SHCBP1L: variants seen among roughly 807,000 people sequenced by gnomAD.
The protein encoded by SHCBP1L is SHC binding and spindle associated 1 like, also known as testicular spindle-associated protein SHCBP1L.
In SHCBP1L, 67 loss-of-function variants were observed where a neutral mutation model predicts 62.5. That is an observed-to-expected ratio of 1.07 (90% CI 0.88 to 1.31). The LOEUF (loss-of-function observed/expected upper bound fraction) is 1.31, where lower values mean the gene tolerates loss of function less well. SHCBP1L is among the 40% of genes most tolerant of loss of function. SHCBP1L has a pLI of 0.00. For synonymous variants in SHCBP1L, 284 were observed against 289.4 expected (o/e 0.98, Z 0.19); for missense variants, 823 against 809.8 (o/e 1.02, Z -0.20).
chr1:182,910,110 G>A (rs1032500457), intron 6 of SHCBP1L, among the ~76,000 whole-genome samples: 2 of 152,202 alleles, frequency 1.3e-5, no homozygotes, highest in African/African-American at 4.8e-5. Context: ...ACAAGGAAGA[G>A]ATGACAGCAC....
intron 6 of SHCBP1L, among the ~76,000 whole-genome samples, chr1:182,923,090 C>T (rs1650573505): frequency 6.6e-6 from 1 of 152,112 alleles, no homozygotes; most frequent in Non-Finnish European, 1.5e-5. Context: ...CCCTCAGAGG[C>T]TATTACAAAC....
At position 182,899,941 on chromosome 1, in the gene SHCBP1L, C is replaced by A; in HGVS notation, c.*42G>T. 1.3e-6 allele frequency: 2 copies of A among 1,515,140 alleles called. No homozygotes were observed. The highest frequency in any genetic ancestry group is 8.8e-7 in the Non-Finnish European group (1 of 1,131,692). The allele number at this position is 1,515,140 out of a possible 1,614,324, so 93.9% of individuals were successfully genotyped here. On this transcript the variant is annotated 3_prime_UTR_variant, in exon 10 of 10. Coordinates refer to ENST00000367547, the MANE Select transcript of SHCBP1L (RefSeq NM_030933.4). Reference sequence around the variant, plus strand: ...TGGGGTATGAGAATCATGTATTAAACAAATTTGTGAAATATAAAACTTTAA... The same window carrying A: ...TGGGGTATGAGAATCATGTATTAAAAAAATTTGTGAAATATAAAACTTTAA...
Position 182,904,441 on chromosome 1 carries a change from G to A in SHCBP1L, c.1337-11C>T. On this transcript the variant is annotated splice_polypyrimidine_tract_variant and intron_variant, in intron 7 of 9. Transcript: ENST00000367547. ...CTCTCTTTCCAACTCCTGATTCATA[G>A]GGATAAAAATACATTAAATCAGTAA... The A allele has an allele frequency of 6.2e-7, 1 of 1,613,094 alleles. No individual in the cohort carries two copies. Among genetic ancestry groups the A allele is most frequent in the African/African-American group, 1.3e-5 (1 of 74,958 alleles).
At chr1:182,903,754 A>G (rs1266995268) in intron 8 of SHCBP1L, among the ~76,000 whole-genome samples, 9 of 152,082 alleles carry the variant, frequency 5.9e-5, no homozygotes, top group Non-Finnish European at 1.0e-4. Context: ...CTCAGCTCCT[A>G]AAGTGCTGGG....
At chr1:182,934,658 T>C (rs1408594405) in intron 5 of SHCBP1L, among the ~76,000 whole-genome samples, 2 of 152,172 alleles carry the variant, frequency 1.3e-5, no homozygotes, top group Non-Finnish European at 2.9e-5. Context: ...ATAGTGTATT[T>C]TTCAGAGCAG....
intron 2 of SHCBP1L, among the ~76,000 whole-genome samples, chr1:182,941,041 A>G (rs1651346171): frequency 6.6e-6 from 1 of 152,136 alleles, no homozygotes; most frequent in African/African-American, 2.4e-5. Flanking sequence ...ATTTTTCAAC[A>G]AATTTTGCCA....
Position 182,924,736 on chromosome 1 carries a change from G to T in SHCBP1L, c.1182+4911C>A, listed in dbSNP as rs536294272. 2.5e-4 allele frequency among the ~76,000 whole-genome samples: 18 copies of T among 72,986 alleles called. No homozygotes were observed. In the East Asian group the frequency reaches 4.4e-3, roughly 18 times the overall value. 47.9% of individuals were successfully genotyped at this position (72,986 alleles called of 152,430 possible). A position where few individuals can be genotyped will look rare whatever the true frequency, so the allele number is the denominator to read the frequency against. Reference sequence around the variant, plus strand: ...AGAAAGAAAGAAAGAAAGAAAGAAAGAAAGAAAGAAAGAAAGAAAGAAAGA... The same window carrying T: ...AGAAAGAAAGAAAGAAAGAAAGAAATAAAGAAAGAAAGAAAGAAAGAAAGA... On this transcript the variant is annotated intron_variant, in intron 6 of 9. Transcript: ENST00000367547.
chr1:182,940,317 A>G lies in SHCBP1L; in HGVS notation c.770+12T>C, dbSNP rs111917521. On this transcript the variant is annotated intron_variant, in intron 3 of 9. Transcript: ENST00000367547. ...TAATAAATTTAATTTTCAAAAGTAA[A>G]GGCCCTAATACCTGACAACTTCCAA... 277 of 1,594,110 alleles carry G rather than the reference A, an allele frequency of 1.7e-4. 2 individuals are homozygous for G. The African/African-American group carries it at 3.1e-3, about 18-fold the overall frequency.
At chr1:182,915,240 A>G (rs1251391040) in intron 6 of SHCBP1L, among the ~76,000 whole-genome samples, 2 of 151,498 alleles carry the variant, frequency 1.3e-5, no homozygotes, top group Non-Finnish European at 2.9e-5. Flanking sequence ...TAACAGTGAA[A>G]GAATAAAAAG....
Position 182,952,716 on chromosome 1 carries a change from C to T in SHCBP1L, c.405+13G>A, listed in dbSNP as rs766549799. Reference sequence around the variant, plus strand: ...GCTTCCGACCGTAGTCTTCCTGTCCCGGATCCGCTCACCTTACAGTCCTGC... The same window carrying T: ...GCTTCCGACCGTAGTCTTCCTGTCCTGGATCCGCTCACCTTACAGTCCTGC... On this transcript the variant is annotated intron_variant, in intron 1 of 9. Transcript: ENST00000367547. The T allele has an allele frequency of 4.4e-6, 7 of 1,591,700 alleles. No individual in the cohort carries two copies. The highest frequency in any genetic ancestry group is 6.0e-6 in the Non-Finnish European group (7 of 1,168,762).
chr1:182,948,313 A>G (rs78092138), intron 2 of SHCBP1L, among the ~76,000 whole-genome samples: 15 of 152,252 alleles, frequency 9.9e-5, no homozygotes, highest in Admixed American at 9.8e-4. Context: ...GTTACCTTAC[A>G]TGGCAAAATG....
chr1:182,930,506 T>C (rs1650933303), intron 5 of SHCBP1L, among the ~76,000 whole-genome samples: 1 of 144,080 alleles, frequency 6.9e-6, no homozygotes, highest in African/African-American at 2.5e-5. Flanking sequence ...TCTGCTGCAC[T>C]TTGATTAGTG....
At chr1:182,909,274 G>A (rs955641378) in intron 6 of SHCBP1L, among the ~76,000 whole-genome samples, 1 of 152,180 alleles carries the variant, frequency 6.6e-6, no homozygotes, top group East Asian at 1.9e-4. Context: ...ATGGATATAA[G>A]GGTCTAGAAT....
chr1:182,937,441 A>AT (rs1651215821), intron 5 of SHCBP1L, among the ~76,000 whole-genome samples: 1 of 151,840 alleles, frequency 6.6e-6, no homozygotes, highest in African/African-American at 2.4e-5. Flanking sequence ...CCTTCAGGAT[A>AT]TTTTTTCTTT....
chr1:182,943,124 C>CT (rs918413911), intron 2 of SHCBP1L, among the ~76,000 whole-genome samples: 8 of 151,806 alleles, frequency 5.3e-5, no homozygotes, highest in East Asian at 3.9e-4. Context: ...AGTTCTCTCT[C>CT]TTTTTTTTAA....
chr1:182,907,262 G>A (rs1217049347), intron 6 of SHCBP1L, among the ~76,000 whole-genome samples: 3 of 151,030 alleles, frequency 2.0e-5, no homozygotes, highest in Non-Finnish European at 3.0e-5. Flanking sequence ...GTGAAACCCC[G>A]TCTCTACTAA....
chr1:182,953,068 T>C lies in SHCBP1L; in HGVS notation c.66A>G (p.Arg22=). ...DSFRTISPDR[R]GEKSASAVSG... ...AGACAGCGGAGGCGGACTTCTCGCC[T>C]CGCCTGTCCGGGCTGATGGTGCGGA... The change falls in exon 1 of 10, where the codon CGA becomes CGG. Residue 22 remains arginine, a synonymous_variant. Transcript: ENST00000367547. 6.5e-7 allele frequency: 1 copy of C among 1,549,802 alleles called. No individual in the cohort carries two copies. The highest frequency in any genetic ancestry group is 8.7e-7 in the Non-Finnish European group (1 of 1,153,900).
intron 6 of SHCBP1L, among the ~76,000 whole-genome samples, chr1:182,924,729 A>G (rs973257571): frequency 1.1e-3 from 94 of 85,450 alleles, no homozygotes; most frequent in African/African-American, 1.9e-3. Flanking sequence ...AGAAAGAAAG[A>G]AAGAAAGAAA....
chr1:182,924,935 G>GAAGGAAGGAAGGAAGAAAGAAAGAAAGA, intron 6 of SHCBP1L, among the ~76,000 whole-genome samples: 1 of 62,380 alleles, frequency 1.6e-5, no homozygotes, highest in South Asian at 7.3e-4. Flanking sequence ...AGGAAGGAAG[G>GAAGGAAGGAAGGAAGAAAGAAAGAAAGA]AAGAAAGAAA....
Sources: gnomAD v4.1 joint callset for allele counts (sites outside exome capture counted in the v4.1 genomes callset) on GRCh38, gnomAD v4.1.1 for gene constraint, MANE v1.5 for transcripts, NCBI Gene and HGNC (gene_info 2026-07-23, HGNC 2026-07-21) for gene names.